The following ATAD2B variants were observed in gnomAD, a reference collection of about 807,000 sequenced individuals.
ATAD2B encodes ATPase family AAA domain-containing protein 2B.
Under a neutral mutation model 167.6 loss-of-function variants are expected in ATAD2B, and 40 were observed. The observed-to-expected ratio is 0.24, with a 90% confidence interval of 0.19 to 0.31. ATAD2B has a LOEUF of 0.31. Among genes scored for constraint, ATAD2B ranks in the 10% least tolerant of loss-of-function variants. The pLI, the probability that ATAD2B is intolerant of heterozygous loss-of-function variation, is 1.00. For synonymous variants in ATAD2B, 579 were observed against 596.5 expected, an observed-to-expected ratio of 0.97 and a Z score of 0.43; for missense variants, 1,242 against 1,757.2, an observed-to-expected ratio of 0.71 and a Z score of 5.24.
At chr2:23,823,920 C>CTT (rs869117334) in intron 15 of ATAD2B, among the ~76,000 whole-genome samples, 1 of 144,528 alleles carries the variant, frequency 6.9e-6, no homozygotes, top group African/African-American at 2.5e-5. Context: ...CAATGTACAA[C>CTT]TTTTTTTTTT....
Position 23,888,395 on chromosome 2 carries a change from T to G in ATAD2B, c.373A>C (p.Thr125Pro). Residue 125 changes from threonine to proline, a missense_variant, in exon 3 of 28, where the codon ACT becomes CCT. By Grantham distance (38) the Thr-to-Pro change is conservative. This residue lies in a region of ATAD2B where 199 missense variants were observed against 194.9 expected (regional missense o/e 1.02). Coordinates refer to ENST00000238789, the MANE Select transcript of ATAD2B (RefSeq NM_017552.4). ...WNLSTGQARLTSQPGATLPNG... is the reference protein window; with the variant it reads ...WNLSTGQARLPSQPGATLPNG... ...GGTAATGTAGCACCAGGCTGAGAAG[T>G]TAACCTAGAACACAATAATATTTAA... 1.3e-6 allele frequency: 2 copies of G among 1,585,512 alleles called. No individual in the cohort carries two copies. Among genetic ancestry groups the G allele is most frequent in the Non-Finnish European group, 8.6e-7 (1 of 1,164,978 alleles).
the ATAD2B span, among the ~76,000 whole-genome samples, chr2:23,685,826 C>G: frequency 6.6e-6 from 1 of 152,220 alleles, no homozygotes; most frequent in East Asian, 1.9e-4. Context: ...TTGACAAATC[C>G]TGGACAGCAG....
chr2:23,835,408 A>G (rs1043576612), intron 13 of ATAD2B, among the ~76,000 whole-genome samples: 2 of 152,250 alleles, frequency 1.3e-5, no homozygotes, highest in Non-Finnish European at 2.9e-5. Flanking sequence ...AGCTAGACAC[A>G]AAAGGCCACA....
At chr2:23,716,174 T>C in the ATAD2B span, among the ~76,000 whole-genome samples, 1 of 152,270 alleles carries the variant, frequency 6.6e-6, no homozygotes, top group Admixed American at 6.5e-5. Flanking sequence ...CTTTGCTTTG[T>C]TGCCACAGTG....
At chr2:23,703,987 C>T in the ATAD2B span, 1 of 1,115,552 alleles carries the variant, frequency 9.0e-7, no homozygotes, top group Non-Finnish European at 1.2e-6. Context: ...AGTGGCCCTC[C>T]CCCTCCAACC....
intron 25 of ATAD2B, among the ~76,000 whole-genome samples, chr2:23,756,098 C>T (rs1471342551): frequency 6.6e-6 from 1 of 152,112 alleles, no homozygotes; most frequent in African/African-American, 2.4e-5. Context: ...AAATAGACTC[C>T]TCTATCCCCA....
intron 4 of ATAD2B, among the ~76,000 whole-genome samples, chr2:23,886,966 C>T (rs926548463): frequency 2.3e-4 from 34 of 145,896 alleles, no homozygotes; most frequent in African/African-American, 5.8e-4. Flanking sequence ...TACATGCTAA[C>T]GTCTTAGCAA....
chr2:23,695,465 TCC>T, the ATAD2B span, among the ~76,000 whole-genome samples: 1 of 152,066 alleles, frequency 6.6e-6, no homozygotes, highest in African/African-American at 2.4e-5. The surrounding 1 kb of genome is among the most constrained non-coding windows in gnomAD (Gnocchi z 7.6). Context: ...TGACTAGACT[TCC>T]CTTCACCTCT....
intron 4 of ATAD2B, among the ~76,000 whole-genome samples, chr2:23,887,172 G>T (rs1225118247): frequency 1.3e-5 from 2 of 151,906 alleles, no homozygotes; most frequent in Admixed American, 6.6e-5. Flanking sequence ...GCTGAGGCAG[G>T]AGAATCATTT....
intron 1 of ATAD2B, among the ~76,000 whole-genome samples, chr2:23,918,002 G>A (rs1422241205): frequency 6.6e-6 from 1 of 151,340 alleles, no homozygotes; most frequent in East Asian, 1.9e-4. Context: ...AGGTTATGGT[G>A]AGTCATTGAA....
intron 18 of ATAD2B, chr2:23,806,039 A>T (rs2149501842): frequency 6.6e-6 from 1 of 152,306 alleles, no homozygotes; most frequent in Middle Eastern, 3.4e-3. Context: ...TATTAATTTA[A>T]TCTAAAGAAT....
At position 23,757,737 on chromosome 2, in the gene ATAD2B, C is replaced by T. The variant is rs1429849232; in HGVS notation, c.3759G>A (p.Pro1253=). ...AAGTCTCTTTCCTGGAGGTCTGCTC[C>T]GGGTTTAAGGAACTGCTGCTGTTGA... ...LLVNSSSSLN[P]EQTSRKETFL... Residue 1253 remains proline (P), a synonymous_variant, in exon 25 of 28, where the codon CCG becomes CCA. Transcript: ENST00000238789. 1.0e-5 allele frequency: 16 copies of T among 1,607,254 alleles called. No homozygotes were observed. Among genetic ancestry groups the T allele is most frequent in the South Asian group, 5.6e-5 (5 of 89,872 alleles).
At chr2:23,818,547 G>A (rs1686960304) in intron 17 of ATAD2B, among the ~76,000 whole-genome samples, 1 of 151,896 alleles carries the variant, frequency 6.6e-6, no homozygotes, top group Non-Finnish European at 1.5e-5. Context: ...AAGAGGAGAT[G>A]AAAGTAATTT....
intron 5 of ATAD2B, 39 bp from the exon 6 acceptor site, chr2:23,884,912 T>C (rs747281417): frequency 7.5e-5 from 100 of 1,328,396 alleles, no homozygotes; most frequent in Admixed American, 2.0e-4. Flanking sequence ...CAACATGACA[T>C]TTATTCTCCA....
intron 22 of ATAD2B, among the ~76,000 whole-genome samples, chr2:23,775,038 T>C (rs1256780734): frequency 2.0e-5 from 3 of 152,028 alleles, no homozygotes; most frequent in Non-Finnish European, 4.4e-5. Context: ...AAATAAAGGA[T>C]GAGGATAAGT....
In ATAD2B at chr2:23,864,804, C is replaced by T; in HGVS notation, c.1304+5G>A. 1 of 1,441,292 alleles carries T rather than the reference C, an allele frequency of 6.9e-7. No individual in the cohort carries two copies. Among genetic ancestry groups the T allele is most frequent in the Non-Finnish European group, 9.5e-7 (1 of 1,048,092 alleles). 89.3% of individuals were successfully genotyped at this position (1,441,292 alleles called of 1,614,324 possible). A position where few individuals can be genotyped will look rare whatever the true frequency, so the allele number is the denominator to read the frequency against. ...ACAATAATAAACATCTATGACATTG[C>T]TTACCTTGGAGGCTGAATTTTAAAC... On this transcript the variant is annotated splice_donor_5th_base_variant and intron_variant, in intron 11 of 27. Coordinates refer to ENST00000238789, the MANE Select transcript of ATAD2B (RefSeq NM_017552.4).
intron 22 of ATAD2B, among the ~76,000 whole-genome samples, chr2:23,777,148 G>A (rs1429024882): frequency 6.6e-6 from 1 of 152,114 alleles, no homozygotes; most frequent in African/African-American, 2.4e-5. Flanking sequence ...GCCACCATCT[G>A]CAAGCCAAGA....
At chr2:23,723,649 C>T in the ATAD2B span, among the ~76,000 whole-genome samples, 1 of 152,162 alleles carries the variant, frequency 6.6e-6, no homozygotes, top group Non-Finnish European at 1.5e-5. Context: ...AAAGGGAATT[C>T]TTACACACCA....
intron 1 of ATAD2B, among the ~76,000 whole-genome samples, chr2:23,914,554 T>G (rs7575092): frequency 0.012 from 1,890 of 152,134 alleles, 36 homozygotes; most frequent in African/African-American, 0.043. Flanking sequence ...ATACAAGAAC[T>G]CTCGGCCCGG....
Sources: allele counts gnomAD v4.1 joint callset (sites outside exome capture counted in the v4.1 genomes callset), GRCh38; gene constraint gnomAD v4.1.1; regional missense constraint gnomAD v4.1.1; non-coding constraint Gnocchi (gnomAD v3.1); transcripts MANE v1.5; gene names NCBI Gene and HGNC (gene_info 2026-07-23, HGNC 2026-07-21).